Variants in UAP1 observed in about 807,000 individuals in gnomAD.
UAP1 encodes the protein UDP-N-acetylglucosamine pyrophosphorylase 1.
Under a neutral mutation model 58.5 loss-of-function variants are expected in UAP1, and 25 were observed. The observed-to-expected ratio is 0.43, with a 90% CI of 0.31 to 0.60. UAP1 has a LOEUF of 0.60. Ranked by LOEUF, UAP1 falls within the 20% of genes least tolerant of loss-of-function variation. The pLI is 0.11. For missense variants in UAP1, 575 were observed against 630.0 expected, an observed-to-expected ratio of 0.91 and a Z score of 0.93; for synonymous variants, 208 against 213.0, an observed-to-expected ratio of 0.98 and a Z score of 0.21.
chr1:162,581,214 G>A (rs1654566143), intron 4 of UAP1, 73 bp from the exon 5 acceptor site: 10 of 1,485,078 alleles, frequency 6.7e-6, no homozygotes, highest in Non-Finnish European at 9.0e-6. Context: ...CTTAACCCTA[G>A]TTTGGAAACA....
At chr1:162,584,216 A>G (rs1023520248) in intron 5 of UAP1, among the ~76,000 whole-genome samples, 1 of 152,176 alleles carries the variant, frequency 6.6e-6, no homozygotes, top group African/African-American at 2.4e-5. Context: ...CTTCCTTGCA[A>G]AGACACTCAC....
intron 1 of UAP1, among the ~76,000 whole-genome samples, chr1:162,565,137 T>C (rs1341288077): frequency 6.6e-6 from 1 of 152,150 alleles, no homozygotes; most frequent in Non-Finnish European, 1.5e-5. Context: ...TGAGCTACCA[T>C]GCCTGGCCTC....
intron 1 of UAP1, among the ~76,000 whole-genome samples, chr1:162,565,706 C>T (rs1653449584): frequency 6.6e-6 from 1 of 152,180 alleles, no homozygotes; most frequent in South Asian, 2.1e-4. Flanking sequence ...CCTGTCCCAG[C>T]TCCACTCACT....
chr1:162,599,354 T>C (rs760458747), exon 11 of UAP1: 11 of 1,609,558 alleles, frequency 6.8e-6, no homozygotes, highest in Admixed American at 6.7e-5. Context: ...TGGTGAAAAA[T>C]GGTATTTGAA....
chr1:162,569,039 A>G (rs1050530829), intron 2 of UAP1, among the ~76,000 whole-genome samples: 4 of 152,224 alleles, frequency 2.6e-5, no homozygotes, highest in Admixed American at 2.0e-4. Flanking sequence ...AAAGATATTT[A>G]TCTGTAGCTT....
intron 2 of UAP1, 135 bp from the exon 3 acceptor site, chr1:162,576,642 C>T: frequency 5.1e-6 from 4 of 789,796 alleles, no homozygotes; most frequent in South Asian, 1.9e-5. Context: ...TACCCAAAAT[C>T]AGCAAATGGC....
chr1:162,590,311 G>T lies in UAP1; in HGVS notation c.1170-12G>T, dbSNP rs1334557151. ...TTCATAATAAAGAGGTCTTTATATG[G>T]TTTCGCTCTAGGAAGTTTGTGGTAT... On this transcript the variant is annotated splice_polypyrimidine_tract_variant and intron_variant, in intron 7 of 10. Transcript: ENST00000271469. The T allele has an allele frequency of 7.5e-6, 12 of 1,604,544 alleles. No homozygotes were observed. Among genetic ancestry groups the T allele is most frequent in the Non-Finnish European group, 1.0e-5 (12 of 1,176,002 alleles).
At chr1:162,597,938 G>A in intron 10 of UAP1, 80 bp downstream of exon 10, 1 of 1,269,972 alleles carries the variant, frequency 7.9e-7, no homozygotes, top group Non-Finnish European at 1.1e-6. Flanking sequence ...GATTTTAAAT[G>A]TTCTCACCAT....
rs147094413 is a variant in UAP1, at chr1:162,564,231, A to T, written c.-57-1781A>T. ...TATTACCACCTCAGGGAACACACAG[A>T]TGTAGGTTCTCTAGACCTGAGCTTG... On this transcript the variant is annotated intron_variant, in intron 1 of 10. Coordinates refer to ENST00000271469, the Ensembl canonical transcript of UAP1. Among the ~76,000 whole-genome samples, 21 of 152,316 alleles carry T rather than the reference A, an allele frequency of 1.4e-4. No individual in the cohort carries two copies. The East Asian group carries it at 4.1e-3, about 29-fold the overall frequency.
intron 2 of UAP1, among the ~76,000 whole-genome samples, chr1:162,569,993 CA>C (rs1398237888): frequency 6.6e-6 from 1 of 151,780 alleles, no homozygotes; most frequent in Non-Finnish European, 1.5e-5. Context: ...ACTAAAAATA[CA>C]AAAAATTAGC....
intron 1 of UAP1, among the ~76,000 whole-genome samples, chr1:162,562,224 G>T (rs187849152): frequency 6.7e-4 from 102 of 152,226 alleles, no homozygotes; most frequent in African/African-American, 2.4e-3. Flanking sequence ...TATACCAAGT[G>T]TGGGGGCCTG....
chr1:162,575,105 G>A (rs2101761760), intron 2 of UAP1, among the ~76,000 whole-genome samples: 1 of 152,288 alleles, frequency 6.6e-6, no homozygotes, highest in African/African-American at 2.4e-5. Context: ...GTCCCGCTGT[G>A]TTGCCCAGGC....
At chr1:162,599,293 A>G (rs1655797449) in exon 11 of UAP1, 1 of 1,612,470 alleles carries the variant, frequency 6.2e-7, no homozygotes, top group Non-Finnish European at 8.5e-7. Context: ...TATGTGGCAG[A>G]TAAAGAATTC....
At chr1:162,594,081 G>A (rs1655483859) in intron 9 of UAP1, among the ~76,000 whole-genome samples, 1 of 152,152 alleles carries the variant, frequency 6.6e-6, no homozygotes, top group Non-Finnish European at 1.5e-5. Context: ...GGTGGTGAGG[G>A]TGGTTTCAGG....
At chr1:162,593,372 A>T (rs899965528) in intron 9 of UAP1, 33 of 152,258 alleles carry the variant, frequency 2.2e-4, no homozygotes, top group Non-Finnish European at 4.4e-5. Context: ...ATCCTCTCCC[A>T]TCTGGGTACT....
At chr1:162,566,176 G>A in exon 2 of UAP1, 1 of 1,614,110 alleles carries the variant, frequency 6.2e-7, no homozygotes, top group Non-Finnish European at 8.5e-7. Flanking sequence ...TTTATGCAGA[G>A]CTCCAGGCCA....
At chr1:162,575,944 A>T (rs1004853323) in intron 2 of UAP1, among the ~76,000 whole-genome samples, 2 of 152,094 alleles carry the variant, frequency 1.3e-5, no homozygotes, top group African/African-American at 4.8e-5. Context: ...CGGCCTCCCA[A>T]AGTGCTGGAG....
At position 162,588,774 on chromosome 1, in the gene UAP1, A is replaced by G. The variant is rs777059906; in HGVS notation, c.1110A>G (p.Pro370=). ...ATACCCAAGGACAGTTAATTAAGCCAGACAAACCCAATGGAATAAAGATGG... is the reference window on the plus strand; with the variant it reads ...ATACCCAAGGACAGTTAATTAAGCCGGACAAACCCAATGGAATAAAGATGG... Residue 370 remains proline, a synonymous_variant, in exon 7 of 11, where the codon CCA becomes CCG. Coordinates refer to ENST00000271469, the Ensembl canonical transcript of UAP1. 7 of 1,612,540 alleles carry G rather than the reference A, an allele frequency of 4.3e-6. No homozygotes were observed. In the South Asian group the frequency reaches 6.6e-5, roughly 15 times the overall value.
At chr1:162,579,672 C>T in intron 4 of UAP1, 69 bp downstream of exon 4, 1 of 1,274,724 alleles carries the variant, frequency 7.8e-7, no homozygotes. Flanking sequence ...TGTTGATTTT[C>T]TTTTTAACAT....
Sources: gnomAD v4.1 joint callset for allele counts (sites outside exome capture counted in the v4.1 genomes callset) on GRCh38, gnomAD v4.1.1 for gene constraint, MANE v1.5 for transcripts, NCBI Gene and HGNC (gene_info 2026-07-23, HGNC 2026-07-21) for gene names.